Variants in HPN observed in about 807,000 individuals in gnomAD.
The protein encoded by HPN is serine protease hepsin.
HPN carries 13 observed loss-of-function variants against 55.9 expected under a neutral mutation model. That is an observed-to-expected ratio of 0.23 (90% confidence interval 0.15 to 0.37). The LOEUF (loss-of-function observed/expected upper bound fraction) is 0.37, where lower values mean the gene tolerates loss of function less well. Ranked by LOEUF, HPN falls within the 10% of genes least tolerant of loss-of-function variation. The pLI is 1.00. For synonymous variants in HPN, 225 were observed against 240.3 expected, an observed-to-expected ratio of 0.94 and a Z score of 0.59; for missense variants, 451 against 575.8, an observed-to-expected ratio of 0.78 and a Z score of 2.22.
intron 12 of HPN, 71 bp downstream of exon 12, chr19:35,066,103 A>T (rs2064606048): frequency 1.9e-6 from 3 of 1,611,680 alleles, no homozygotes. Context: ...GGAGGCAGAG[A>T]TTTGTTTTAG....
chr19:35,051,360 C>T (rs1295520697), intron 4 of HPN, among the ~76,000 whole-genome samples: 2 of 152,132 alleles, frequency 1.3e-5, no homozygotes, highest in African/African-American at 2.4e-5. Flanking sequence ...CCACCCGTCT[C>T]GGCCTCCCAA....
chr19:35,051,673 T>C (rs183766680), intron 4 of HPN, among the ~76,000 whole-genome samples: 3 of 133,126 alleles, frequency 2.3e-5, no homozygotes, highest in African/African-American at 7.6e-5. Flanking sequence ...TGTCTACACT[T>C]GATTGCTTGT....
intron 1 of HPN, chr19:35,042,198 G>A (rs546445464): frequency 7.2e-6 from 9 of 1,251,604 alleles, no homozygotes; most frequent in East Asian, 4.3e-5. Context: ...CCCTCAAACC[G>A]GGATCCTCAG....
intron 2 of HPN, among the ~76,000 whole-genome samples, chr19:35,043,123 C>T (rs2064310522): frequency 1.3e-5 from 2 of 152,146 alleles, no homozygotes; most frequent in Admixed American, 6.5e-5. Flanking sequence ...GGACCCCCAC[C>T]GATCCCAGAC....
At chr19:35,066,190 C>T in intron 12 of HPN, 59 bp from the exon 13 acceptor site, 1 of 1,613,854 alleles carries the variant, frequency 6.2e-7, no homozygotes, top group South Asian at 1.1e-5. Context: ...GGAAGGGAAG[C>T]CAGTGGTGGG....
chr19:35,042,420 C>A, intron 1 of HPN, 33 bp from the exon 2 acceptor site: 2 of 1,539,688 alleles, frequency 1.3e-6, no homozygotes, highest in South Asian at 1.2e-5. Context: ...CTGGGCTCCC[C>A]CAGGCCCTGC....
rs767849498 is a variant in HPN, at chr19:35,049,482, TCTC to T, written c.130_132del (p.Leu44del). The stretch of plus-strand genomic sequence containing the variant: ...CCCCTCCCTTCTCTGCAGTGGCTGT[TCTC>T]CTCAGGAGTGACCAGGAGCCGCTGT... On this transcript the variant is annotated inframe_deletion, in exon 4 of 13. Coordinates refer to ENST00000672452, the MANE Select transcript of HPN (RefSeq NM_001384133.1). The T allele has an allele frequency of 6.2e-7, 1 of 1,609,300 alleles. No individual in the cohort carries two copies. Among genetic ancestry groups the T allele is most frequent in the Non-Finnish European group, 8.5e-7 (1 of 1,177,884 alleles).
At chr19:35,042,299 T>G (rs1300453674) in intron 1 of HPN, 154 bp from the exon 2 acceptor site, 23 of 1,397,006 alleles carry the variant, frequency 1.6e-5, no homozygotes, top group Admixed American at 3.1e-5. Flanking sequence ...ACCCCATCCT[T>G]GAACCCAGCC....
At chr19:35,066,203 G>T (rs201702432) in intron 12 of HPN, 46 bp from the exon 13 acceptor site, 1 of 1,613,938 alleles carries the variant, frequency 6.2e-7, no homozygotes, top group Non-Finnish European at 8.5e-7. Context: ...GTGGTGGGAC[G>T]TGGAAGCCTC....
intron 4 of HPN, among the ~76,000 whole-genome samples, chr19:35,057,173 C>T (rs1043534544): frequency 2.0e-5 from 3 of 152,182 alleles, no homozygotes; most frequent in African/African-American, 7.2e-5. Flanking sequence ...CGCCTGTCAT[C>T]CAGCACTTTG....
rs1394542316 is a variant in HPN at position 35,051,361 on chromosome 19, G to A, written c.160+1845G>A. ...TGACCTCAGGTGATCCACCCGTCTC[G>A]GCCTCCCAAAGTGCTGGGACTACAG... On this transcript the variant is annotated intron_variant, in intron 4 of 12. Coordinates refer to ENST00000672452, the MANE Select transcript of HPN (RefSeq NM_001384133.1). Among the ~76,000 whole-genome samples the A allele has an allele frequency of 2.6e-5, 4 of 151,756 alleles. No homozygotes were observed. The East Asian group carries it at 5.8e-4, about 22-fold the overall frequency.
chr19:35,062,752 G>A (rs112959334), intron 9 of HPN, among the ~76,000 whole-genome samples: 7,896 of 152,128 alleles, frequency 0.052, 627 homozygotes, highest in African/African-American at 0.17. Flanking sequence ...GTGGTGGTGC[G>A]CGCCTGTGGT....
chr19:35,044,872 C>T lies in HPN; in HGVS notation c.16+2350C>T, dbSNP rs148686844. Among the ~76,000 whole-genome samples, 748 of 151,724 alleles carry T rather than the reference C, an allele frequency of 4.9e-3. 3 individuals are homozygous for T. Among genetic ancestry groups the T allele is most frequent in the African/African-American group, 0.017 (704 of 41,326 alleles). On this transcript the variant is annotated intron_variant, in intron 2 of 12. Coordinates refer to ENST00000672452, the MANE Select transcript of HPN (RefSeq NM_001384133.1). ...GCGCTAGAAGGGAGACTGAGCCCAG[C>T]GGTTGGATGGGGCCGGAGCAAGGTG...
At position 35,066,469 on chromosome 19, in the gene HPN, C is replaced by T; in HGVS notation, c.*182C>T. The T allele has an allele frequency of 1.4e-6, 1 of 703,462 alleles. No individual in the cohort carries two copies. The highest frequency in any genetic ancestry group is 2.7e-5 in the East Asian group (1 of 36,644). The allele number at this position is 703,462 out of a possible 1,614,324, so 43.6% of individuals were successfully genotyped here. ...ACTCAGCCCCGAGACCACCCAACCT[C>T]ACCCTCCTGACCCCCATGTAAATAT... On this transcript the variant is annotated 3_prime_UTR_variant, in exon 13 of 13. Coordinates refer to ENST00000672452, the MANE Select transcript of HPN (RefSeq NM_001384133.1).
At chr19:35,048,060 G>GAAAGAA (rs2064362572) in intron 2 of HPN, among the ~76,000 whole-genome samples, 1 of 52,370 alleles carries the variant, frequency 1.9e-5, no homozygotes, top group Non-Finnish European at 3.3e-5. Flanking sequence ...AAGAAAGAAA[G>GAAAGAA]AAAGAAAGAA....
In HPN at chr19:35,054,728, C is replaced by T. The variant is rs188175019; in HGVS notation, c.161-4945C>T. On this transcript the variant is annotated intron_variant, in intron 4 of 12. Transcript: ENST00000672452. ...CCACCTCTCTGAGCCTCAGCTTCCC[C>T]GTCTGGAATTTGGGGATGATCTTCG... is the stretch of plus-strand genomic sequence containing the variant. 2.5e-3 allele frequency among the ~76,000 whole-genome samples: 388 copies of T among 152,274 alleles called. 7 individuals are homozygous for T. The highest frequency in any genetic ancestry group is 9.8e-4 in the Non-Finnish European group (67 of 68,022).
In HPN at chr19:35,042,745, C is replaced by A. The variant is rs529999791; in HGVS notation, c.16+223C>A. Reference sequence around the variant, plus strand: ...CTTCTACCCTATGTGACCTTCCTGGCGTGCTGCCTCAGTTTCCCCTCATCC... The same window carrying A: ...CTTCTACCCTATGTGACCTTCCTGGAGTGCTGCCTCAGTTTCCCCTCATCC... On this transcript the variant is annotated intron_variant, in intron 2 of 12. Transcript: ENST00000672452. 2.0e-5 allele frequency among the ~76,000 whole-genome samples: 3 copies of A among 152,282 alleles called. 1 individual carries two copies. The South Asian group carries it at 6.2e-4, about 32-fold the overall frequency.
chr19:35,048,869 CTG>C (rs2064373950), intron 2 of HPN, among the ~76,000 whole-genome samples: 1 of 152,146 alleles, frequency 6.6e-6, no homozygotes. Flanking sequence ...GCAGAAACGA[CTG>C]AGGCAGCGAG....
In HPN at chr19:35,059,771, G is replaced by A. The variant is rs151248493; in HGVS notation, c.259G>A (p.Gly87Arg). 1.5e-5 allele frequency: 24 copies of A among 1,587,096 alleles called. No homozygotes were observed. The East Asian group carries it at 3.6e-4, about 24-fold the overall frequency. The change falls in exon 5 of 13, where the codon GGA (glycine) becomes AGA (arginine). Residue 87 changes from glycine to arginine, a missense_variant. Physicochemically the swap from Gly to Arg is moderately radical, Grantham distance 125. Coordinates refer to ENST00000672452, the MANE Select transcript of HPN (RefSeq NM_001384133.1). ...CTCGCGCTCCAACGCCAGGGTAGCCGGACTCAGCTGCGAGGAGATGGGCTT... is the reference window on the plus strand; with the variant it reads ...CTCGCGCTCCAACGCCAGGGTAGCCAGACTCAGCTGCGAGGAGATGGGCTT... ...CSSRSNARVAGLSCEEMGFLR... is the reference protein window; with the variant it reads ...CSSRSNARVARLSCEEMGFLR...
Sources: allele counts gnomAD v4.1 joint callset (sites outside exome capture counted in the v4.1 genomes callset), GRCh38; gene constraint gnomAD v4.1.1; transcripts MANE v1.5; gene names NCBI Gene and HGNC (gene_info 2026-07-23, HGNC 2026-07-21).